Variants in CLDN14 observed in about 807,000 individuals in gnomAD.
The protein encoded by CLDN14 is claudin 14, also known as claudin-14.
A neutral mutation model predicts 2.1 loss-of-function variants in CLDN14; 2 were observed. The ratio of observed to expected loss-of-function variants is 0.96; its 90% CI spans 0.39 to 3.01. The LOEUF is 3.01. CLDN14 is among the 30% of genes most tolerant of loss of function. CLDN14 has a pLI of 0.09. For synonymous variants in CLDN14, 136 were observed against 154.4 expected (o/e 0.88, Z 0.88); for missense variants, 298 against 328.0 (o/e 0.91, Z 0.71).
Position 36,554,225 on chromosome 21 carries a change from C to G in CLDN14, c.-220+22186G>C, listed in dbSNP as rs774616428. On this transcript the variant is annotated intron_variant, in intron 1 of 2. Coordinates refer to the CLDN14 transcript ENST00000342108. ...CCCTTTCATGAGACAGCATCCCAAC[C>G]CCCCCAGGCCCTGGGCTCGGCGGTG... Among the ~76,000 whole-genome samples, 12 of 152,302 alleles carry G rather than the reference C, an allele frequency of 7.9e-5. 1 individual carries two copies. The South Asian group carries it at 2.1e-3, about 26-fold the overall frequency.
intron 1 of CLDN14, among the ~76,000 whole-genome samples, chr21:36,575,874 C>T (rs750868224): frequency 6.6e-6 from 1 of 152,188 alleles, no homozygotes; most frequent in Non-Finnish European, 1.5e-5. Context: ...ACCCTGTATA[C>T]GACCTCTTTA....
At chr21:36,513,732 C>T (rs2087202598) in intron 1 of CLDN14, among the ~76,000 whole-genome samples, 1 of 152,202 alleles carries the variant, frequency 6.6e-6, no homozygotes, top group Non-Finnish European at 1.5e-5. Flanking sequence ...CCTGGCACCT[C>T]AGTGGGTGAG....
chr21:36,555,846 TGTGTGAGA>T (rs1280003174), intron 1 of CLDN14, among the ~76,000 whole-genome samples: 3 of 65,534 alleles, frequency 4.6e-5, no homozygotes, highest in African/African-American at 1.3e-4. Context: ...TGTGTGTGTG[TGTGTGAGA>T]GAGAGAGAGT....
At chr21:36,565,775 C>T (rs147521521) in intron 1 of CLDN14, among the ~76,000 whole-genome samples, 15 of 152,282 alleles carry the variant, frequency 9.9e-5, no homozygotes, top group African/African-American at 4.8e-5. Flanking sequence ...TTGTGCTTTG[C>T]TCTACAGCTG....
rs1020646262 is a variant in CLDN14 at position 36,480,044 on chromosome 21, C to A, written c.-631G>T. 6.6e-6 allele frequency: 1 copy of A among 152,468 alleles called. No homozygotes were observed. Among genetic ancestry groups the A allele is most frequent in the Non-Finnish European group, 1.5e-5 (1 of 68,240 alleles). The allele number at this position is 152,468 out of a possible 1,614,324, so 9.4% of individuals were successfully genotyped here. On this transcript the variant is annotated 5_prime_UTR_variant, in exon 1 of 2. Transcript: ENST00000399135. ...CAGCTCATTCCCTCCTGCGCCCTGA[C>A]CACCTGCCCACAGCGACTGTGTCCT...
At chr21:36,492,436 GTC>G (rs1233623450) in intron 2 of CLDN14, among the ~76,000 whole-genome samples, 1 of 19,564 alleles carries the variant, frequency 5.1e-5, no homozygotes, top group African/African-American at 1.0e-4. Flanking sequence ...GCGAGACTCC[GTC>G]CCAAAAAAAA....
rs1401158000 is a variant in CLDN14 at position 36,498,864 on chromosome 21, C to G, written c.-82+11499G>C. Among the ~76,000 whole-genome samples, 1 of 152,062 alleles carries G rather than the reference C, an allele frequency of 6.6e-6. No homozygotes were observed. Among genetic ancestry groups the G allele is most frequent in the East Asian group, 1.9e-4 (1 of 5,176 alleles). ...GCCCTCATGGGGGCTGAAATTCAAC[C>G]AAGGCTTGATTCCTGCCTGAGGTGC... On this transcript the variant is annotated intron_variant, in intron 2 of 2. Transcript: ENST00000342108. The surrounding 1 kb of genome is among the most constrained non-coding windows in gnomAD (Gnocchi z 4.9).
At chr21:36,514,622 A>ATGTGTGTGTGT (rs1491330369) in intron 1 of CLDN14, among the ~76,000 whole-genome samples, 1 of 33,658 alleles carries the variant, frequency 3.0e-5, no homozygotes, top group Non-Finnish European at 1.1e-4. Flanking sequence ...CGTGAGAGAA[A>ATGTGTGTGTGT]GTGTGTGTGT....
At position 36,499,151 on chromosome 21, in the gene CLDN14, G is replaced by A. The variant is rs747894029; in HGVS notation, c.-82+11212C>T. Among the ~76,000 whole-genome samples, 2 of 152,216 alleles carry A rather than the reference G, an allele frequency of 1.3e-5. No homozygotes were observed. The highest frequency in any genetic ancestry group is 2.9e-5 in the Non-Finnish European group (2 of 68,032). ...CCACAGGACTCAAGAAATAAGCCCA[G>A]AGCACACATCGGTTTTGTGGGGGCA... On this transcript the variant is annotated intron_variant, in intron 2 of 2. Coordinates refer to the CLDN14 transcript ENST00000342108. The surrounding 1 kb of genome is among the most constrained non-coding windows in gnomAD (Gnocchi z 4.7).
chr21:36,486,393 C>G, intron 2 of CLDN14: 7 of 1,064,254 alleles, frequency 6.6e-6, no homozygotes, highest in Non-Finnish European at 1.0e-5. Flanking sequence ...TGCAGCTGCT[C>G]GTCTGGGCTC....
chr21:36,538,171 A>G (rs1161236331), intron 1 of CLDN14, among the ~76,000 whole-genome samples: 1 of 152,222 alleles, frequency 6.6e-6, no homozygotes, highest in Non-Finnish European at 1.5e-5. Context: ...AAAGTCCAAC[A>G]CTTATAGATC....
At chr21:36,529,289 C>G (rs1377122876) in intron 1 of CLDN14, among the ~76,000 whole-genome samples, 1 of 151,922 alleles carries the variant, frequency 6.6e-6, no homozygotes, top group African/African-American at 2.4e-5. Context: ...AAAAAAACCA[C>G]ATCTTTTTTT....
In CLDN14 at chr21:36,521,176, C is replaced by T. The variant is rs538810368; in HGVS notation, c.-219-10676G>A. Among the ~76,000 whole-genome samples the T allele has an allele frequency of 9.2e-5, 14 of 152,234 alleles. No homozygotes were observed. In the East Asian group the frequency reaches 1.5e-3, roughly 17 times the overall value. ...ATATATCTGAAAGTAGAGGTCATTC[C>T]GTAAAGATCAGCCTCTTCCTAAATC... On this transcript the variant is annotated intron_variant, in intron 1 of 2. Coordinates refer to the CLDN14 transcript ENST00000342108.
At position 36,505,356 on chromosome 21, in the gene CLDN14, A is replaced by C. The variant is rs140844337; in HGVS notation, c.-82+5007T>G. Among the ~76,000 whole-genome samples, 12 of 152,344 alleles carry C rather than the reference A, an allele frequency of 7.9e-5. No homozygotes were observed. In the East Asian group the frequency reaches 2.3e-3, roughly 29 times the overall value. On this transcript the variant is annotated intron_variant, in intron 2 of 2. Transcript: ENST00000342108. ...AGCCCTTCAGCCCAGATAGCTTTTG[A>C]AGCACTGCAGACAGCCCACCCCAAG...
chr21:36,558,379 G>C (rs1033885247), intron 1 of CLDN14, among the ~76,000 whole-genome samples: 1 of 152,120 alleles, frequency 6.6e-6, no homozygotes, highest in South Asian at 2.1e-4. Flanking sequence ...TGGGTAGTAT[G>C]AATCTTTTTA....
chr21:36,490,800 CTGTT>C (rs1446913617), intron 2 of CLDN14, among the ~76,000 whole-genome samples: 1 of 152,120 alleles, frequency 6.6e-6, no homozygotes, highest in Non-Finnish European at 1.5e-5. Context: ...CTTTCTCTGA[CTGTT>C]CAGTTTGATA....
At chr21:36,475,331 A>G (rs980301119) in intron 1 of CLDN14, among the ~76,000 whole-genome samples, 7 of 152,186 alleles carry the variant, frequency 4.6e-5, no homozygotes, top group African/African-American at 1.7e-4. Context: ...ATTGAGGACA[A>G]TAGAGAAGGT....
chr21:36,512,205 A>C (rs180749925), intron 1 of CLDN14, among the ~76,000 whole-genome samples: 249 of 152,286 alleles, frequency 1.6e-3, no homozygotes, highest in African/African-American at 5.7e-3. Flanking sequence ...CCAAAGGAAC[A>C]GTGGGAGATT....
intron 1 of CLDN14, among the ~76,000 whole-genome samples, chr21:36,467,420 G>T (rs2086660091): frequency 6.6e-6 from 1 of 151,708 alleles, no homozygotes; most frequent in Admixed American, 6.6e-5. Context: ...GGGCATGTCT[G>T]TTTCATCCTT....
Sources: gnomAD v4.1 joint callset for allele counts (sites outside exome capture counted in the v4.1 genomes callset) on GRCh38, gnomAD v4.1.1 for gene constraint, Gnocchi (gnomAD v3.1) non-coding constraint, MANE v1.5 for transcripts, NCBI Gene and HGNC (gene_info 2026-07-23, HGNC 2026-07-21) for gene names.